Variants in TRAPPC9 observed in about 807,000 individuals in gnomAD.
TRAPPC9 encodes trafficking protein particle complex subunit 9.
In TRAPPC9, 83 loss-of-function variants were observed where a neutral mutation model predicts 124.0. That is an observed-to-expected ratio of 0.67 (90% CI 0.56 to 0.80). TRAPPC9 has a LOEUF of 0.80. TRAPPC9 is among the 30% of genes least tolerant of loss of function. The pLI, the probability that TRAPPC9 is intolerant of heterozygous loss-of-function variation, is 0.00. For missense variants in TRAPPC9, 1,302 were observed against 1,508.3 expected, an observed-to-expected ratio of 0.86 and a Z score of 2.27; for synonymous variants, 638 against 617.5, an observed-to-expected ratio of 1.03 and a Z score of -0.49.
intron 19 of TRAPPC9, among the ~76,000 whole-genome samples, chr8:139,959,118 A>AGCCCTGCATTCCGAGTCACACG (rs2131551939): frequency 2.5e-5 from 3 of 122,410 alleles, no homozygotes; most frequent in East Asian, 5.2e-4. Context: ...CGAGTCACAC[A>AGCCCTGCATTCCGAGTCACACG]GGGGACTGGC....
At chr8:140,080,647 C>A (rs529934808) in intron 17 of TRAPPC9, among the ~76,000 whole-genome samples, 3 of 152,160 alleles carry the variant, frequency 2.0e-5, no homozygotes, top group Non-Finnish European at 4.4e-5. Context: ...GAGGGTTCAG[C>A]CCCCATGACC....
chr8:140,084,684 G>A (rs1563748416), intron 17 of TRAPPC9, among the ~76,000 whole-genome samples: 1 of 152,260 alleles, frequency 6.6e-6, no homozygotes, highest in Admixed American at 6.5e-5. Flanking sequence ...CCAGTGGTGA[G>A]CAGCATCCTG....
chr8:140,033,687 T>TTTTG lies in TRAPPC9; in HGVS notation c.2557-9609_2557-9608insCAAA, dbSNP rs1563707016. Among the ~76,000 whole-genome samples, 52 of 119,454 alleles carry TTTTG rather than the reference T, an allele frequency of 4.4e-4. No homozygotes were observed. The South Asian group carries it at 6.4e-3, about 15-fold the overall frequency. 78.4% of individuals were successfully genotyped at this position (119,454 alleles called of 152,430 possible). The stretch of plus-strand genomic sequence containing the variant: ...TTTTTTTTTTTTTTTTTTTTTTTTT[T>TTTTG]TTTTTTTTTTTTGAGACAGAGTCTC... On this transcript the variant is annotated intron_variant, in intron 17 of 22. Transcript: ENST00000438773.
chr8:140,359,344 G>A (rs2067861124), intron 9 of TRAPPC9, among the ~76,000 whole-genome samples: 1 of 152,178 alleles, frequency 6.6e-6, no homozygotes, highest in Non-Finnish European at 1.5e-5. Context: ...GAGGAAGGCA[G>A]GTTTGGGGCA....
intron 19 of TRAPPC9, among the ~76,000 whole-genome samples, chr8:139,922,657 G>C (rs950320848): frequency 1.3e-5 from 2 of 152,188 alleles, no homozygotes; most frequent in Admixed American, 1.3e-4. Context: ...GGTGAGGCAG[G>C]GCTTCCTCCC....
At chr8:139,884,862 G>A (rs1473588367) in intron 21 of TRAPPC9, among the ~76,000 whole-genome samples, 1 of 152,222 alleles carries the variant, frequency 6.6e-6, no homozygotes, top group Non-Finnish European at 1.5e-5. Context: ...TGCCCACCTG[G>A]TCCCGACAGC....
chr8:140,369,404 C>G (rs2068214018), intron 8 of TRAPPC9, among the ~76,000 whole-genome samples: 1 of 152,212 alleles, frequency 6.6e-6, no homozygotes, highest in Admixed American at 6.5e-5. Flanking sequence ...GCATCACTCA[C>G]CCAACACACT....
At chr8:140,055,646 A>G (rs1842249914) in intron 17 of TRAPPC9, among the ~76,000 whole-genome samples, 1 of 152,244 alleles carries the variant, frequency 6.6e-6, no homozygotes. Flanking sequence ...GAACTGCTAA[A>G]CAAATATCAG....
chr8:140,297,294 A>T (rs940596800), intron 11 of TRAPPC9, among the ~76,000 whole-genome samples: 1 of 152,182 alleles, frequency 6.6e-6, no homozygotes, highest in Non-Finnish European at 1.5e-5. Flanking sequence ...ATGGCATTTT[A>T]AAAACGCATA....
chr8:139,965,040 T>C (rs141005118), intron 19 of TRAPPC9, among the ~76,000 whole-genome samples: 20 of 152,282 alleles, frequency 1.3e-4, no homozygotes, highest in Non-Finnish European at 2.4e-4. Context: ...CTGAGTCTAT[T>C]CCAAGTCAGC....
chr8:139,774,975 G>A (rs888439761), intron 21 of TRAPPC9, among the ~76,000 whole-genome samples: 19 of 152,166 alleles, frequency 1.2e-4, no homozygotes, highest in African/African-American at 3.6e-4. Context: ...GTATCATGTC[G>A]CCTCATGCAA....
At chr8:139,965,952 C>A (rs1156959162) in intron 19 of TRAPPC9, among the ~76,000 whole-genome samples, 1 of 152,230 alleles carries the variant, frequency 6.6e-6, no homozygotes, top group Non-Finnish European at 1.5e-5. Flanking sequence ...CAAGGCCTTC[C>A]GGCACAGCAC....
Position 139,986,632 on chromosome 8 carries a change from T to C in TRAPPC9, c.2810+2094A>G, listed in dbSNP as rs188014349. ...ATTTTATAGAACTCAAAGACTATTGTAGCTATCATGCCCCGACCCCAAACC... is the reference window on the plus strand; with the variant it reads ...ATTTTATAGAACTCAAAGACTATTGCAGCTATCATGCCCCGACCCCAAACC... On this transcript the variant is annotated intron_variant, in intron 19 of 22. Transcript: ENST00000438773. 1.1e-4 allele frequency among the ~76,000 whole-genome samples: 16 copies of C among 152,318 alleles called. No individual in the cohort carries two copies. In the East Asian group the frequency reaches 2.3e-3, roughly 22 times the overall value.
At chr8:139,960,482 C>T (rs1414503411) in intron 19 of TRAPPC9, among the ~76,000 whole-genome samples, 1 of 152,196 alleles carries the variant, frequency 6.6e-6, no homozygotes, top group Non-Finnish European at 1.5e-5. Context: ...TCCCGCCTCT[C>T]AATGTCATTC....
At chr8:139,895,932 G>A (rs144017772) in intron 20 of TRAPPC9, among the ~76,000 whole-genome samples, 158 of 152,336 alleles carry the variant, frequency 1.0e-3, no homozygotes, top group Non-Finnish European at 1.9e-3. Flanking sequence ...AACAGGCCCG[G>A]CCAGGCTGAG....
intron 18 of TRAPPC9, among the ~76,000 whole-genome samples, chr8:140,018,947 G>T (rs1230351197): frequency 6.6e-6 from 1 of 152,180 alleles, no homozygotes; most frequent in African/African-American, 2.4e-5. Flanking sequence ...GGGGTTTCTT[G>T]TAGATGGCCT....
At chr8:139,735,310 C>T (rs1320157251) in intron 21 of TRAPPC9, among the ~76,000 whole-genome samples, 1 of 152,224 alleles carries the variant, frequency 6.6e-6, no homozygotes, top group Non-Finnish European at 1.5e-5. Flanking sequence ...CACAGCACGT[C>T]CCAGTACCCA....
At chr8:140,148,843 TA>T (rs1315347187) in intron 17 of TRAPPC9, among the ~76,000 whole-genome samples, 1 of 152,214 alleles carries the variant, frequency 6.6e-6, no homozygotes, top group African/African-American at 2.4e-5. Flanking sequence ...TGGATAGAGT[TA>T]TTCTCATTCT....
intron 17 of TRAPPC9, among the ~76,000 whole-genome samples, chr8:140,210,336 C>T (rs754353813): frequency 7.9e-5 from 12 of 152,206 alleles, no homozygotes; most frequent in African/African-American, 2.9e-4. Flanking sequence ...GTGGTGAACG[C>T]GCACCGTCAA....
Sources: gnomAD v4.1 joint callset for allele counts (sites outside exome capture counted in the v4.1 genomes callset) on GRCh38, gnomAD v4.1.1 for gene constraint, MANE v1.5 for transcripts, NCBI Gene and HGNC (gene_info 2026-07-23, HGNC 2026-07-21) for gene names.